Variants in ANO4 observed in about 807,000 individuals in gnomAD.
The protein encoded by ANO4 is anoctamin-4.
ANO4 carries 69 observed loss-of-function variants against 141.9 expected under a neutral mutation model. The observed-to-expected ratio is 0.49, with a 90% CI of 0.40 to 0.59. ANO4 has a LOEUF of 0.59. Ranked by LOEUF, ANO4 falls within the 20% of genes least tolerant of loss-of-function variation. ANO4 has a pLI of 0.00. For missense variants in ANO4, 894 were observed against 1,162.2 expected, an observed-to-expected ratio of 0.77 and a Z score of 3.36; for synonymous variants, 350 against 394.3, an observed-to-expected ratio of 0.89 and a Z score of 1.33.
chr12:101,072,578 A>G (rs1006762351), intron 14 of ANO4, among the ~76,000 whole-genome samples: 2 of 152,228 alleles, frequency 1.3e-5, no homozygotes, highest in Non-Finnish European at 1.5e-5. Flanking sequence ...ACAAAAGCCA[A>G]AATTGACAAA....
At chr12:101,023,806 T>A (rs920914576) in intron 9 of ANO4, among the ~76,000 whole-genome samples, 3 of 152,226 alleles carry the variant, frequency 2.0e-5, no homozygotes, top group African/African-American at 7.2e-5. Flanking sequence ...AAACTACTAA[T>A]GGCCTGTAGA....
intron 1 of ANO4, among the ~76,000 whole-genome samples, chr12:100,820,065 CCTCT>C (rs1303431746): frequency 3.3e-5 from 5 of 151,972 alleles, no homozygotes; most frequent in South Asian, 2.1e-4. Context: ...TTCCTCCCTC[CCTCT>C]ATTTCCCTTT....
intron 1 of ANO4, among the ~76,000 whole-genome samples, chr12:100,848,448 C>G (rs2037695624): frequency 6.6e-6 from 1 of 152,134 alleles, no homozygotes; most frequent in Non-Finnish European, 1.5e-5. Context: ...GATTCTGGGA[C>G]CCATGCCCAA....
intron 1 of ANO4, among the ~76,000 whole-genome samples, chr12:100,804,427 T>C (rs1032677976): frequency 8.5e-5 from 13 of 152,240 alleles, no homozygotes; most frequent in African/African-American, 2.9e-4. Context: ...TGCATGTATC[T>C]TTATAATAAA....
At chr12:100,787,675 G>T (rs2135598440) in intron 3 of ANO4, among the ~76,000 whole-genome samples, 1 of 152,274 alleles carries the variant, frequency 6.6e-6, no homozygotes, top group East Asian at 1.9e-4. Context: ...ATAGAAAGAA[G>T]AAAGAAATGT....
At chr12:100,968,431 T>A (rs957920706) in intron 5 of ANO4, among the ~76,000 whole-genome samples, 1 of 152,220 alleles carries the variant, frequency 6.6e-6, no homozygotes, top group Non-Finnish European at 1.5e-5. Flanking sequence ...CGCTATATTC[T>A]GCTCTAAATC....
intron 3 of ANO4, among the ~76,000 whole-genome samples, chr12:100,782,739 T>C (rs1194296270): frequency 2.0e-5 from 3 of 152,196 alleles, no homozygotes; most frequent in Non-Finnish European, 4.4e-5. Context: ...TGTGTAGATA[T>C]GGTAACTGAT....
At chr12:100,743,446 G>T (rs190109362) in intron 3 of ANO4, among the ~76,000 whole-genome samples, 5 of 151,958 alleles carry the variant, frequency 3.3e-5, no homozygotes, top group Admixed American at 3.3e-4. Flanking sequence ...AAAAGTAAAT[G>T]ATGATAGTAT....
At chr12:100,890,606 A>G (rs887064312) in intron 1 of ANO4, among the ~76,000 whole-genome samples, 6 of 152,208 alleles carry the variant, frequency 3.9e-5, no homozygotes, top group Admixed American at 1.3e-4. Context: ...TGTTACCAGC[A>G]GTGAAGAGCA....
upstream of ANO4, among the ~76,000 whole-genome samples, chr12:100,793,325 A>G (rs1182596373): frequency 1.3e-5 from 2 of 152,202 alleles, no homozygotes; most frequent in Non-Finnish European, 1.5e-5. Context: ...CGTTTAAAAA[A>G]TTTCACTTTA....
chr12:101,050,947 T>G (rs2047840465), intron 14 of ANO4, among the ~76,000 whole-genome samples: 1 of 152,214 alleles, frequency 6.6e-6, no homozygotes, highest in Non-Finnish European at 1.5e-5. Context: ...CCTGGTGGTA[T>G]CCTGGAAGAA....
intron 8 of ANO4, among the ~76,000 whole-genome samples, chr12:100,989,390 G>T (rs1274044226): frequency 1.3e-5 from 2 of 152,218 alleles, no homozygotes; most frequent in Non-Finnish European, 2.9e-5. Flanking sequence ...TTTAGACAAT[G>T]AGTTGTTTCC....
chr12:101,045,352 T>A (rs930846902), intron 13 of ANO4, among the ~76,000 whole-genome samples: 5 of 152,220 alleles, frequency 3.3e-5, no homozygotes, highest in African/African-American at 1.2e-4. Context: ...AAAACATGCC[T>A]TCTTTACCAC....
chr12:100,826,768 C>CAGTT (rs1289333283), intron 1 of ANO4, among the ~76,000 whole-genome samples: 1 of 152,042 alleles, frequency 6.6e-6, no homozygotes, highest in Non-Finnish European at 1.5e-5. Context: ...TTCTCCAAAC[C>CAGTT]AGTTCCTCCT....
chr12:100,966,131 A>G (rs999874537), intron 5 of ANO4, among the ~76,000 whole-genome samples: 23 of 152,166 alleles, frequency 1.5e-4, no homozygotes, highest in African/African-American at 4.8e-4. Flanking sequence ...TCCTTCCAAA[A>G]TACTGGTTTC....
intron 5 of ANO4, among the ~76,000 whole-genome samples, chr12:100,952,041 C>T (rs2042990623): frequency 6.6e-6 from 1 of 152,134 alleles, no homozygotes; most frequent in African/African-American, 2.4e-5. Context: ...GGGTTTGACC[C>T]TTGATCCAAT....
intron 1 of ANO4, among the ~76,000 whole-genome samples, chr12:100,835,058 A>G (rs531985467): frequency 6.6e-6 from 1 of 152,246 alleles, no homozygotes; most frequent in East Asian, 1.9e-4. Flanking sequence ...CTCTGCTTCC[A>G]ATGGCCTTGT....
chr12:100,947,679 A>G (rs1457905824), intron 5 of ANO4, among the ~76,000 whole-genome samples: 4 of 152,208 alleles, frequency 2.6e-5, no homozygotes, highest in African/African-American at 7.2e-5. Context: ...TCTGTGTAAT[A>G]TGATACAAAT....
intron 8 of ANO4, among the ~76,000 whole-genome samples, chr12:101,005,722 G>A (rs538949471): frequency 4.6e-5 from 7 of 152,198 alleles, no homozygotes; most frequent in African/African-American, 1.7e-4. Context: ...AATTTTGATG[G>A]AACCTTATAT....
Sources: gnomAD v4.1 joint callset for allele counts (sites outside exome capture counted in the v4.1 genomes callset) on GRCh38, gnomAD v4.1.1 for gene constraint, MANE v1.5 for transcripts, NCBI Gene and HGNC (gene_info 2026-07-23, HGNC 2026-07-21) for gene names.